Variants in PPP3CC observed in about 807,000 individuals in gnomAD.
PPP3CC encodes the protein serine/threonine-protein phosphatase 2B catalytic subunit gamma isoform.
Under a neutral mutation model 60.3 loss-of-function variants are expected in PPP3CC, and 35 were observed. The observed-to-expected ratio is 0.58, with a 90% CI of 0.44 to 0.77. PPP3CC has a LOEUF of 0.77. Among genes scored for constraint, PPP3CC ranks in the 30% least tolerant of loss-of-function variants. The probability of loss-of-function intolerance (pLI) is 0.00; values close to 1 mark genes in which losing one functional copy is unlikely to be tolerated. For missense variants in PPP3CC, 570 were observed against 628.9 expected (o/e 0.91, Z 1.00); for synonymous variants, 206 against 224.3 (o/e 0.92, Z 0.73).
intron 3 of PPP3CC, among the ~76,000 whole-genome samples, chr8:22,480,757 G>T (rs1194068838): frequency 6.6e-6 from 1 of 152,112 alleles, no homozygotes; most frequent in African/African-American, 2.4e-5. Flanking sequence ...AGGATTACAG[G>T]TGTGAGCCAC....
intron 1 of PPP3CC, among the ~76,000 whole-genome samples, chr8:22,454,417 G>C: frequency 6.6e-6 from 1 of 152,184 alleles, no homozygotes; most frequent in Non-Finnish European, 1.5e-5. Context: ...TGAAGGACCT[G>C]TCTGGGGCTG....
chr8:22,452,859 A>G (rs138376661), intron 1 of PPP3CC, among the ~76,000 whole-genome samples: 187 of 152,346 alleles, frequency 1.2e-3, no homozygotes, highest in Non-Finnish European at 2.3e-3. Flanking sequence ...ATGAGCTCCC[A>G]TAAACAATCT....
chr8:22,473,543 A>G (rs542167591), intron 1 of PPP3CC, among the ~76,000 whole-genome samples: 12 of 151,156 alleles, frequency 7.9e-5, no homozygotes, highest in South Asian at 2.1e-4. Flanking sequence ...GGCTCACTGC[A>G]ACCTCCATCT....
At chr8:22,489,622 T>C (rs1456196272) in intron 3 of PPP3CC, among the ~76,000 whole-genome samples, 1 of 114,690 alleles carries the variant, frequency 8.7e-6, no homozygotes, top group Non-Finnish European at 1.7e-5. Context: ...ATATAATATA[T>C]AATAAGTATA....
chr8:22,513,983 C>T (rs1839166465), intron 6 of PPP3CC, among the ~76,000 whole-genome samples: 1 of 152,180 alleles, frequency 6.6e-6, no homozygotes, highest in Non-Finnish European at 1.5e-5. Flanking sequence ...TGGTGGCTCA[C>T]GCCTATAATC....
At position 22,455,288 on chromosome 8, in the gene PPP3CC, C is replaced by G. The variant is rs375547761; in HGVS notation, c.49+13830C>G. ...ATATAATAGCCTCTCAAAAATGTCA[C>G]AGAAATTTAGAACTATATAGTGACC... On this transcript the variant is annotated intron_variant, in intron 1 of 13. Coordinates refer to ENST00000240139, the MANE Select transcript of PPP3CC (RefSeq NM_005605.5). 1.5e-3 allele frequency among the ~76,000 whole-genome samples: 229 copies of G among 152,238 alleles called. 3 individuals carry two copies. The highest frequency in any genetic ancestry group is 5.2e-3 in the African/African-American group (216 of 41,558).
intron 4 of PPP3CC, among the ~76,000 whole-genome samples, chr8:22,499,330 T>C (rs2132515231): frequency 6.6e-6 from 1 of 150,542 alleles, no homozygotes; most frequent in Non-Finnish European, 1.5e-5. Context: ...TCCCAGCTAC[T>C]CGGGAGGCTG....
At chr8:22,447,952 A>G (rs1239380879) in intron 1 of PPP3CC, among the ~76,000 whole-genome samples, 3 of 152,222 alleles carry the variant, frequency 2.0e-5, no homozygotes, top group African/African-American at 7.2e-5. Flanking sequence ...AGATTTACTA[A>G]TTGCTAACAG....
intron 1 of PPP3CC, among the ~76,000 whole-genome samples, chr8:22,462,987 T>A (rs1038472573): frequency 2.0e-5 from 3 of 152,090 alleles, no homozygotes; most frequent in African/African-American, 7.2e-5. Context: ...ACCAAATATA[T>A]TTTTTTTCCT....
intron 8 of PPP3CC, among the ~76,000 whole-genome samples, chr8:22,524,337 A>G (rs2443503): frequency 0.44 from 67,360 of 151,942 alleles, 15,099 homozygotes; most frequent in East Asian, 0.55. Context: ...ATGGAATGGC[A>G]CATCTCATTT....
At chr8:22,499,236 G>A (rs1291118774) in intron 4 of PPP3CC, among the ~76,000 whole-genome samples, 9 of 150,592 alleles carry the variant, frequency 6.0e-5, no homozygotes, top group Non-Finnish European at 1.2e-4. Flanking sequence ...TCAGGAGATC[G>A]AGACCATCCT....
intron 3 of PPP3CC, among the ~76,000 whole-genome samples, chr8:22,478,424 A>G (rs1333485113): frequency 6.6e-6 from 1 of 152,214 alleles, no homozygotes; most frequent in Non-Finnish European, 1.5e-5. Flanking sequence ...TGTTGGGATT[A>G]CAGGCATGAG....
Position 22,448,697 on chromosome 8 carries a change from C to T in PPP3CC, c.49+7239C>T, listed in dbSNP as rs375868059. Among the ~76,000 whole-genome samples the T allele has an allele frequency of 7.2e-5, 11 of 151,952 alleles. No homozygotes were observed. The East Asian group carries it at 1.4e-3, about 19-fold the overall frequency. On this transcript the variant is annotated intron_variant, in intron 1 of 13. Coordinates refer to ENST00000240139, the MANE Select transcript of PPP3CC (RefSeq NM_005605.5). ...CCTGGCCTATATCATTGTTAAATGT[C>T]TTGAATGTGACTATATGGTATTATG...
At chr8:22,476,596 T>C (rs750595167) in intron 3 of PPP3CC, among the ~76,000 whole-genome samples, 9 of 152,178 alleles carry the variant, frequency 5.9e-5, no homozygotes, top group Non-Finnish European at 1.0e-4. Context: ...AAATGGATTT[T>C]TAGTTTTCTG....
intron 8 of PPP3CC, among the ~76,000 whole-genome samples, chr8:22,525,564 TTCTC>T (rs908799727): frequency 4.2e-5 from 6 of 141,764 alleles, no homozygotes; most frequent in East Asian, 2.0e-4. Flanking sequence ...CTCTCTTTCT[TTCTC>T]TCTCTCTCTC....
chr8:22,473,700 G>C (rs962353081), intron 1 of PPP3CC, among the ~76,000 whole-genome samples: 1 of 152,020 alleles, frequency 6.6e-6, no homozygotes, highest in African/African-American at 2.4e-5. Context: ...CCGACCTCAG[G>C]TGATCCACCT....
intron 4 of PPP3CC, among the ~76,000 whole-genome samples, chr8:22,501,260 C>A (rs1000870016): frequency 3.9e-5 from 6 of 152,206 alleles, no homozygotes; most frequent in African/African-American, 1.4e-4. Context: ...CTAGCAATTT[C>A]ATTTGTAGGA....
chr8:22,487,080 G>C (rs1838247311), intron 3 of PPP3CC, among the ~76,000 whole-genome samples: 1 of 152,054 alleles, frequency 6.6e-6, no homozygotes, highest in Admixed American at 6.6e-5. Flanking sequence ...ACAGCAAATT[G>C]GATTTGATAT....
At chr8:22,452,573 C>G (rs920791474) in intron 1 of PPP3CC, among the ~76,000 whole-genome samples, 3 of 151,998 alleles carry the variant, frequency 2.0e-5, no homozygotes, top group Non-Finnish European at 2.9e-5. Flanking sequence ...TCATAGCTCA[C>G]TGCAGCCTCA....
Sources: allele counts gnomAD v4.1 joint callset (sites outside exome capture counted in the v4.1 genomes callset), GRCh38; gene constraint gnomAD v4.1.1; transcripts MANE v1.5; gene names NCBI Gene and HGNC (gene_info 2026-07-23, HGNC 2026-07-21).